SYTL5: variants seen among roughly 807,000 people sequenced by gnomAD.
SYTL5 encodes the protein synaptotagmin like 5.
SYTL5 carries 34 observed loss-of-function variants against 55.9 expected under a neutral mutation model. The ratio of observed to expected loss-of-function variants is 0.61; its 90% CI spans 0.46 to 0.81. The LOEUF is 0.81. Among genes scored for constraint, SYTL5 ranks in the 30% least tolerant of loss-of-function variants. The pLI is 0.00. For synonymous variants in SYTL5, 221 were observed against 188.7 expected, an observed-to-expected ratio of 1.17 and a Z score of -1.40; for missense variants, 637 against 546.7, an observed-to-expected ratio of 1.17 and a Z score of -1.65.
chrX:37,901,027 A>G, the SYTL5 span, among the ~76,000 whole-genome samples: 3 of 112,275 alleles, frequency 2.7e-5, no homozygotes, highest in Non-Finnish European at 3.8e-5. Context: ...GTGCAGGACC[A>G]CAGGATGACT....
the SYTL5 span, among the ~76,000 whole-genome samples, chrX:37,910,291 C>T: frequency 8.9e-6 from 1 of 111,879 alleles, no homozygotes; most frequent in Admixed American, 9.5e-5. Flanking sequence ...ACAGTCTTTT[C>T]TCTGTGAATG....
the SYTL5 span, among the ~76,000 whole-genome samples, chrX:37,986,627 C>T: frequency 7.2e-5 from 8 of 111,352 alleles, no homozygotes; most frequent in Non-Finnish European, 1.3e-4. Flanking sequence ...GAGGGGTGGT[C>T]TCCTCCCTTA....
chrX:37,961,905 T>G, the SYTL5 span, among the ~76,000 whole-genome samples: 1 of 111,958 alleles, frequency 8.9e-6, no homozygotes, highest in Admixed American at 9.5e-5. Context: ...TACTTTTTTT[T>G]GAAGTTACAT....
intron 16 of SYTL5, 103 bp downstream of exon 16, chrX:38,125,609 G>A: frequency 3.4e-6 from 2 of 581,981 alleles, no homozygotes; most frequent in South Asian, 6.0e-5. Flanking sequence ...TATAGTTTCA[G>A]CTAAATCCTG....
the SYTL5 span, among the ~76,000 whole-genome samples, chrX:37,958,314 A>G: frequency 2.7e-5 from 3 of 111,650 alleles, no homozygotes; most frequent in Admixed American, 1.9e-4. Flanking sequence ...AGCATCTGCT[A>G]ATAGCCTTCT....
At chrX:38,065,464 A>C (rs1936072830) in intron 3 of SYTL5, among the ~76,000 whole-genome samples, 1 of 111,840 alleles carries the variant, frequency 8.9e-6, no homozygotes, top group African/African-American at 3.2e-5. Flanking sequence ...TGGATATGCA[A>C]TTCTAGATTG....
the SYTL5 span, among the ~76,000 whole-genome samples, chrX:37,973,293 T>A: frequency 9.0e-6 from 1 of 111,113 alleles, no homozygotes; most frequent in African/African-American, 3.3e-5. Flanking sequence ...GGTAGGAATT[T>A]GGGTAAGAAA....
the SYTL5 span, among the ~76,000 whole-genome samples, chrX:37,955,588 T>C: frequency 1.8e-5 from 2 of 112,223 alleles, no homozygotes; most frequent in African/African-American, 6.5e-5. Context: ...CAGCCTTTTC[T>C]GACTGGGGAA....
chrX:37,983,552 T>C, the SYTL5 span, among the ~76,000 whole-genome samples: 4 of 111,911 alleles, frequency 3.6e-5, no homozygotes, highest in Non-Finnish European at 7.6e-5. Context: ...TTAACAATAA[T>C]AGAGACTGAA....
chrX:38,124,824 G>T lies in SYTL5; in HGVS notation c.1842-474G>T, dbSNP rs1421003142. On this transcript the variant is annotated intron_variant, in intron 15 of 16. Coordinates refer to ENST00000297875, the MANE Select transcript of SYTL5 (RefSeq NM_138780.3). ...AATTTCTCAAACTCATCAGTTAAAA[G>T]TTGCCCCAGGGGTATTAAATTCCAA... 3.6e-5 allele frequency among the ~76,000 whole-genome samples: 4 copies of T among 111,728 alleles called. No homozygotes were observed. The East Asian group carries it at 1.1e-3, about 31-fold the overall frequency.
intron 1 of SYTL5, among the ~76,000 whole-genome samples, chrX:38,017,975 T>C (rs1934416778): frequency 1.8e-5 from 2 of 109,267 alleles, no homozygotes; most frequent in Admixed American, 9.7e-5. Context: ...GTCTGGGGAG[T>C]TCCTTCAGAC....
At chrX:37,989,403 A>G in the SYTL5 span, among the ~76,000 whole-genome samples, 4 of 112,231 alleles carry the variant, frequency 3.6e-5, no homozygotes, top group Non-Finnish European at 3.8e-5. Context: ...TCAAAATTTG[A>G]CAGGAGGAAG....
At chrX:38,100,500 T>C (rs749034497) in intron 9 of SYTL5, among the ~76,000 whole-genome samples, 1 of 111,457 alleles carries the variant, frequency 9.0e-6, no homozygotes, top group South Asian at 3.7e-4. Context: ...TTTGAACAAG[T>C]ATTTCACAAA....
the SYTL5 span, among the ~76,000 whole-genome samples, chrX:37,940,091 C>T: frequency 9.1e-6 from 1 of 110,398 alleles, no homozygotes; most frequent in African/African-American, 3.3e-5. Context: ...CCGCCTCAGC[C>T]TCCTAAAATG....
At chrX:38,017,235 A>T (rs999385172) in intron 1 of SYTL5, among the ~76,000 whole-genome samples, 2 of 112,123 alleles carry the variant, frequency 1.8e-5, no homozygotes, top group African/African-American at 6.5e-5. Flanking sequence ...GGATGGAATT[A>T]GATTATGCAC....
At chrX:38,064,085 G>T (rs1936029822) in intron 3 of SYTL5, among the ~76,000 whole-genome samples, 2 of 110,602 alleles carry the variant, frequency 1.8e-5, no homozygotes, top group Admixed American at 1.9e-4. Flanking sequence ...GTGTGTGTGT[G>T]TGTATGTGTA....
chrX:38,032,724 C>T (rs5964283), intron 1 of SYTL5, among the ~76,000 whole-genome samples: 25,614 of 109,517 alleles, frequency 0.23, 5,334 homozygotes, highest in African/African-American at 0.66. Context: ...TGAATTCTTC[C>T]GTAACGTAAT....
chrX:37,998,096 G>A, the SYTL5 span, among the ~76,000 whole-genome samples: 3 of 112,082 alleles, frequency 2.7e-5, no homozygotes, highest in Non-Finnish European at 5.6e-5. Flanking sequence ...CACCCTTGCT[G>A]CAGAAAGGAG....
chrX:38,042,841 T>C (rs1472026897), intron 2 of SYTL5, among the ~76,000 whole-genome samples: 3 of 111,906 alleles, frequency 2.7e-5, no homozygotes, highest in Non-Finnish European at 5.6e-5. Context: ...GAAATAGGTA[T>C]TTTATTCCTA....
Sources: allele counts gnomAD v4.1 joint callset (sites outside exome capture counted in the v4.1 genomes callset), GRCh38; gene constraint gnomAD v4.1.1; transcripts MANE v1.5; gene names NCBI Gene and HGNC (gene_info 2026-07-23, HGNC 2026-07-21).